The following CRYM variants were observed in gnomAD, a reference collection of about 807,000 sequenced individuals.
CRYM encodes crystallin mu.
CRYM carries 18 observed loss-of-function variants against 32.9 expected under a neutral mutation model. That is an observed-to-expected ratio of 0.55 (90% CI 0.38 to 0.81). CRYM has a LOEUF of 0.81. Ranked by LOEUF, CRYM falls within the 30% of genes least tolerant of loss-of-function variation. The pLI is 0.00. For synonymous variants in CRYM, 153 were observed against 152.4 expected, an observed-to-expected ratio of 1.00 and a Z score of -0.03; for missense variants, 337 against 393.5, an observed-to-expected ratio of 0.86 and a Z score of 1.21.
Position 21,278,275 on chromosome 16 carries a change from TCA to T in CRYM, c.-26_-25del. On this transcript the variant is annotated 5_prime_UTR_variant, in exon 1 of 8. Transcript: ENST00000572914. Reference sequence around the variant, plus strand: ...ATCTCGCCACCTGTGCCTTCTAACCTCAGTCTCCGCACCGCGATCCACGTACC... The same window carrying T: ...ATCTCGCCACCTGTGCCTTCTAACCTGTCTCCGCACCGCGATCCACGTACC... 2 of 1,574,418 alleles carry T rather than the reference TCA, an allele frequency of 1.3e-6. No homozygotes were observed. Among genetic ancestry groups the T allele is most frequent in the Non-Finnish European group, 1.7e-6 (2 of 1,165,994 alleles).
intron 1 of CRYM, among the ~76,000 whole-genome samples, chr16:21,293,008 A>C (rs1355588967): frequency 6.6e-6 from 1 of 150,612 alleles, no homozygotes; most frequent in Admixed American, 6.7e-5. Context: ...GAATGAATAG[A>C]TGGATAGGTA....
chr16:21,282,426 G>A (rs997187987), upstream of CRYM, among the ~76,000 whole-genome samples: 2 of 151,992 alleles, frequency 1.3e-5, no homozygotes, highest in East Asian at 1.9e-4. Context: ...TTTATAAATT[G>A]TGTGGTTTTT....
rs2093355446 is a variant in CRYM at position 21,262,029 on chromosome 16, G to C, written c.795+8C>G. The C allele has an allele frequency of 6.2e-7, 1 of 1,613,658 alleles. No individual in the cohort carries two copies. Among genetic ancestry groups the C allele is most frequent in the Admixed American group, 1.7e-5 (1 of 59,978 alleles). ...TGGCAGCCCTGACTGGGGTCAGAAG[G>C]GCCTCACCCCTGACAGCAGGACATC... On this transcript the variant is annotated splice_region_variant and intron_variant, in intron 6 of 7. Transcript: ENST00000572914.
intron 1 of CRYM, among the ~76,000 whole-genome samples, chr16:21,302,730 G>C (rs961001455): frequency 6.6e-6 from 1 of 152,180 alleles, no homozygotes. Flanking sequence ...CTGGGAGATA[G>C]GGGGACCGTC....
chr16:21,277,007 TA>T lies in CRYM; in HGVS notation c.324+423del, dbSNP rs530467373. Among the ~76,000 whole-genome samples the T allele has an allele frequency of 3.0e-3, 450 of 152,284 alleles. 4 individuals carry two copies. Among genetic ancestry groups the T allele is most frequent in the African/African-American group, 0.01 (416 of 41,546 alleles). ...ACCTTTTGAAACTATGATTAGATAT[TA>T]AAACAGGTCACACCGTATACCCCTC... On this transcript the variant is annotated intron_variant, in intron 2 of 7. Transcript: ENST00000572914. This position sits in a 1 kb window ranked among gnomAD's most constrained non-coding sequence, Gnocchi z 4.2.
chr16:21,290,729 TTTAA>T (rs1960626136), intron 1 of CRYM, among the ~76,000 whole-genome samples: 2 of 152,220 alleles, frequency 1.3e-5, no homozygotes, highest in Admixed American at 1.3e-4. Context: ...GTTATACATA[TTTAA>T]TTTAGTATTT....
At chr16:21,261,846 C>T in intron 6 of CRYM, 191 bp downstream of exon 6, 4 of 613,728 alleles carry the variant, frequency 6.5e-6, no homozygotes, top group Non-Finnish European at 1.1e-5. Context: ...CATGTCACCA[C>T]CCATAATGCC....
chr16:21,292,726 CAGAT>C (rs781578250), intron 1 of CRYM, among the ~76,000 whole-genome samples: 56 of 145,082 alleles, frequency 3.9e-4, no homozygotes, highest in South Asian at 1.3e-3. Flanking sequence ...ACATAGATGA[CAGAT>C]GGATGGATGG....
At chr16:21,300,183 G>A (rs1960877115) in intron 1 of CRYM, among the ~76,000 whole-genome samples, 1 of 152,166 alleles carries the variant, frequency 6.6e-6, no homozygotes, top group African/African-American at 2.4e-5. Context: ...TGTCCATCAA[G>A]AGATGGCCTC....
At chr16:21,270,013 G>T in intron 3 of CRYM, 122 bp from the exon 4 acceptor site, 1 of 720,968 alleles carries the variant, frequency 1.4e-6, no homozygotes, top group Non-Finnish European at 2.5e-6. Context: ...AGAGCTTGCA[G>T]GCAATCAAGA....
At chr16:21,299,922 A>C (rs1960870491) in intron 1 of CRYM, 1 of 152,188 alleles carries the variant, frequency 6.6e-6, no homozygotes, top group Non-Finnish European at 1.5e-5. Flanking sequence ...AGTGTCTTAA[A>C]ACACAAGAAC....
chr16:21,281,173 T>C (rs1386284296), upstream of CRYM, among the ~76,000 whole-genome samples: 4 of 151,716 alleles, frequency 2.6e-5, no homozygotes, highest in East Asian at 7.7e-4. Context: ...TGTATATACA[T>C]ATATACGTAT....
intron 1 of CRYM, among the ~76,000 whole-genome samples, chr16:21,297,001 C>T (rs566892507): frequency 5.9e-5 from 9 of 151,664 alleles, no homozygotes; most frequent in African/African-American, 2.2e-4. Flanking sequence ...GAGCAAGACT[C>T]CGTCTCTAAA....
chr16:21,274,657 G>A (rs1479039457), intron 3 of CRYM, among the ~76,000 whole-genome samples: 1 of 152,154 alleles, frequency 6.6e-6, no homozygotes, highest in African/African-American at 2.4e-5. Context: ...CCAGGCTAGA[G>A]TGCAGTGGCT....
intron 2 of CRYM, among the ~76,000 whole-genome samples, chr16:21,276,515 G>A (rs2152863147): frequency 6.6e-6 from 1 of 152,262 alleles, no homozygotes; most frequent in South Asian, 2.1e-4. Context: ...GTCACACCTG[G>A]GAGTGATTCT....
In CRYM at chr16:21,277,813, A is replaced by G. The variant is rs226037; in HGVS notation, c.171-229T>C. 0.27 allele frequency among the ~76,000 whole-genome samples: 40,850 copies of G among 151,942 alleles called. 5,943 individuals are homozygous for G. Among genetic ancestry groups the G allele is most frequent in the African/African-American group, 0.36 (15,023 of 41,406 alleles). On this transcript the variant is annotated intron_variant, in intron 1 of 7. Transcript: ENST00000572914. This position sits in a 1 kb window ranked among gnomAD's most constrained non-coding sequence, Gnocchi z 4.2. ...TGCCACTTAGTAGCTGTGTAAGCTT[A>G]GGTAAGTCACTTAACCTCTCTGAGT...
intron 5 of CRYM, among the ~76,000 whole-genome samples, chr16:21,262,867 G>A (rs1181166222): frequency 6.6e-6 from 1 of 152,102 alleles, no homozygotes. Flanking sequence ...AGGATCTGAT[G>A]GGTGAATCCA....
chr16:21,281,387 G>T (rs1361285800), upstream of CRYM, among the ~76,000 whole-genome samples: 1 of 151,682 alleles, frequency 6.6e-6, no homozygotes, highest in Admixed American at 6.6e-5. Flanking sequence ...ACCACCCCCG[G>T]CTAATTTTTG....
intron 1 of CRYM, among the ~76,000 whole-genome samples, chr16:21,292,110 A>G (rs1177764229): frequency 6.6e-6 from 1 of 152,136 alleles, no homozygotes; most frequent in Non-Finnish European, 1.5e-5. Context: ...TAAAGGCCAA[A>G]AATTGAAAAT....
Sources: allele counts gnomAD v4.1 joint callset (sites outside exome capture counted in the v4.1 genomes callset), GRCh38; gene constraint gnomAD v4.1.1; non-coding constraint Gnocchi (gnomAD v3.1); transcripts MANE v1.5; gene names NCBI Gene and HGNC (gene_info 2026-07-23, HGNC 2026-07-21).